ZC3H6: variants seen among roughly 807,000 people sequenced by gnomAD.
ZC3H6 encodes the protein zinc finger CCCH domain-containing protein 6.
In ZC3H6, 40 loss-of-function variants were observed where a neutral mutation model predicts 107.7. That is an observed-to-expected ratio of 0.37 (90% CI 0.29 to 0.48). ZC3H6 has a LOEUF of 0.48. Ranked by LOEUF, ZC3H6 falls within the 20% of genes least tolerant of loss-of-function variation. The probability of loss-of-function intolerance (pLI) is 0.98; values close to 1 mark genes in which losing one functional copy is unlikely to be tolerated. For synonymous variants in ZC3H6, 493 were observed against 487.9 expected (o/e 1.01, Z -0.14); for missense variants, 1,267 against 1,410.4 (o/e 0.90, Z 1.63).
chr2:112,302,447 G>A lies in ZC3H6; in HGVS notation c.214-782G>A, dbSNP rs551224970. ...AGCCTTCCCTTGTAAAAGCATCAGA[G>A]TTCAATCATTTCAGCAAATTTTTAC... is the stretch of plus-strand genomic sequence containing the variant. On this transcript the variant is annotated intron_variant, in intron 2 of 11. Coordinates refer to ENST00000409871, the MANE Select transcript of ZC3H6 (RefSeq NM_198581.3). Among the ~76,000 whole-genome samples, 12 of 152,072 alleles carry A rather than the reference G, an allele frequency of 7.9e-5. No homozygotes were observed. The South Asian group carries it at 2.3e-3, about 29-fold the overall frequency.
At chr2:112,307,660 A>C (rs1676500981) in intron 3 of ZC3H6, among the ~76,000 whole-genome samples, 1 of 151,954 alleles carries the variant, frequency 6.6e-6, no homozygotes, top group Non-Finnish European at 1.5e-5. Flanking sequence ...TTCCTGGAAA[A>C]CTCATACAAC....
At chr2:112,297,971 C>T (rs1333483260) in intron 1 of ZC3H6, among the ~76,000 whole-genome samples, 3 of 152,022 alleles carry the variant, frequency 2.0e-5, no homozygotes, top group African/African-American at 4.8e-5. Flanking sequence ...AAAAATTAGT[C>T]GGATGTGATG....
chr2:112,290,497 T>C (rs1171081139), intron 1 of ZC3H6, among the ~76,000 whole-genome samples: 4 of 152,272 alleles, frequency 2.6e-5, no homozygotes, highest in Non-Finnish European at 5.9e-5. Flanking sequence ...GTGGTTATTT[T>C]ATGTTTATTT....
rs1409693873 is a variant in ZC3H6, at chr2:112,333,714, CAT to C, written c.*1229_*1230del. ...TGAATCTAAGTATTAGACTGCTACT[CAT>C]ATTTTGAACTGCAGGTGTAGGACAG... is the stretch of plus-strand genomic sequence containing the variant. On this transcript the variant is annotated 3_prime_UTR_variant, in exon 12 of 12. Transcript: ENST00000409871. 2.0e-5 allele frequency: 3 copies of C among 152,076 alleles called. No homozygotes were observed. The highest frequency in any genetic ancestry group is 4.4e-5 in the Non-Finnish European group (3 of 67,960). The allele number at this position is 152,076 out of a possible 1,614,324, so 9.4% of individuals were successfully genotyped here.
intron 1 of ZC3H6, among the ~76,000 whole-genome samples, chr2:112,291,156 C>T (rs1247999912): frequency 2.0e-5 from 3 of 152,238 alleles, no homozygotes; most frequent in Non-Finnish European, 4.4e-5. Context: ...AAGCTAATCT[C>T]AGTTTTAGTT....
intron 2 of ZC3H6, among the ~76,000 whole-genome samples, chr2:112,301,451 T>G (rs1676370644): frequency 6.6e-6 from 1 of 152,204 alleles, no homozygotes; most frequent in East Asian, 1.9e-4. Flanking sequence ...GCCATATTTT[T>G]GAATACTTCA....
intron 1 of ZC3H6, among the ~76,000 whole-genome samples, chr2:112,279,683 C>T (rs574246224): frequency 1.3e-5 from 2 of 152,010 alleles, no homozygotes; most frequent in Non-Finnish European, 2.9e-5. Flanking sequence ...ACTGGAGAAC[C>T]TGAAAGGATG....
At chr2:112,286,595 G>A (rs565357279) in intron 1 of ZC3H6, among the ~76,000 whole-genome samples, 8 of 152,274 alleles carry the variant, frequency 5.3e-5, no homozygotes, top group South Asian at 2.1e-4. Context: ...ACAACACCAC[G>A]CCCAGCTAAA....
chr2:112,332,702 A>G lies in ZC3H6; in HGVS notation c.*214A>G. On this transcript the variant is annotated 3_prime_UTR_variant, in exon 12 of 12. Coordinates refer to ENST00000409871, the MANE Select transcript of ZC3H6 (RefSeq NM_198581.3). ...AAGAGACTGTAGTAATTGACCTAAA[A>G]ACTTATGTTAGCTTCAGTAAAAGTA... 1 of 376,314 alleles carries G rather than the reference A, an allele frequency of 2.7e-6. No homozygotes were observed. Among genetic ancestry groups the G allele is most frequent in the Non-Finnish European group, 4.6e-6 (1 of 217,670 alleles). The allele number at this position is 376,314 out of a possible 1,614,324, so 23.3% of individuals were successfully genotyped here.
chr2:112,317,414 C>A, intron 7 of ZC3H6, 82 bp downstream of exon 7: 1 of 707,596 alleles, frequency 1.4e-6, no homozygotes, highest in Non-Finnish European at 2.2e-6. Context: ...AATAAATACA[C>A]CCTATAAAGC....
At chr2:112,296,187 CCT>C (rs1676228292) in intron 1 of ZC3H6, among the ~76,000 whole-genome samples, 1 of 152,026 alleles carries the variant, frequency 6.6e-6, no homozygotes, top group African/African-American at 2.4e-5. Context: ...CCTTAATACC[CCT>C]TTTTTTGTCA....
Position 112,324,508 on chromosome 2 carries a change from A to G in ZC3H6, c.1697A>G (p.Glu566Gly). Residue 566 changes from glutamate (E) to glycine (G), a missense_variant, in exon 10 of 12, where the codon GAG (glutamate) becomes GGG (glycine). By Grantham distance (98) the Glu-to-Gly change is moderately conservative. Transcript: ENST00000409871. Reference sequence around the variant, plus strand: ...GGACATGTGATGAAAGTACCCAGAGAGAATCACTGTTCTCCAGGTTCATCA... The same window carrying G: ...GGACATGTGATGAAAGTACCCAGAGGGAATCACTGTTCTCCAGGTTCATCA... ...FPGHVMKVPR[E>G]NHCSPGSSYQ... 1 of 1,613,356 alleles carries G rather than the reference A, an allele frequency of 6.2e-7. No individual in the cohort carries two copies. The highest frequency in any genetic ancestry group is 1.1e-5 in the South Asian group (1 of 90,938).
chr2:112,327,414 GTTA>G (rs1676923857), intron 11 of ZC3H6, among the ~76,000 whole-genome samples: 1 of 152,070 alleles, frequency 6.6e-6, no homozygotes, highest in Admixed American at 6.5e-5. Context: ...ATATATTCTA[GTTA>G]TTAATCCCTT....
intron 1 of ZC3H6, among the ~76,000 whole-genome samples, chr2:112,295,249 G>T (rs1299927219): frequency 6.6e-6 from 1 of 152,140 alleles, no homozygotes. Context: ...GACATAATCA[G>T]TCTATTGTGT....
At chr2:112,279,189 T>C (rs1686481742) in intron 1 of ZC3H6, among the ~76,000 whole-genome samples, 1 of 152,206 alleles carries the variant, frequency 6.6e-6, no homozygotes, top group Admixed American at 6.5e-5. Flanking sequence ...AATTCTGGTC[T>C]CTCGTCGTTC....
At chr2:112,298,695 C>G (rs1360567389) in intron 1 of ZC3H6, among the ~76,000 whole-genome samples, 3 of 152,160 alleles carry the variant, frequency 2.0e-5, no homozygotes, top group Non-Finnish European at 4.4e-5. Flanking sequence ...AGAACTTGAT[C>G]AAATGAATAT....
Position 112,322,896 on chromosome 2 carries a change from G to A in ZC3H6, c.1334G>A (p.Gly445Glu), listed in dbSNP as rs1226814669. The A allele has an allele frequency of 1.3e-6, 2 of 1,573,128 alleles. No individual in the cohort carries two copies. The highest frequency in any genetic ancestry group is 2.1e-5 in the Admixed American group (1 of 48,548). ...KPTVDLAHKIGRKPPAFYTSA... is the reference protein window; with the variant it reads ...KPTVDLAHKIERKPPAFYTSA... Reference sequence around the variant, plus strand: ...ACTGTGGATTTAGCGCATAAAATTGGGAGGAAGTAAGTGAAAAACTTTCAA... The same window carrying A: ...ACTGTGGATTTAGCGCATAAAATTGAGAGGAAGTAAGTGAAAAACTTTCAA... Residue 445 changes from glycine (G) to glutamate (E), a missense_variant, in exon 9 of 12, where the codon GGG (glycine) becomes GAG (glutamate). Physicochemically the swap from Gly to Glu is moderately conservative, Grantham distance 98 (BLOSUM62 -2). Transcript: ENST00000409871.
chr2:112,330,185 T>C (rs1676998699), intron 11 of ZC3H6, among the ~76,000 whole-genome samples: 1 of 151,978 alleles, frequency 6.6e-6, no homozygotes, highest in Admixed American at 6.6e-5. Context: ...CCTGAGTAGC[T>C]GGGACTACAT....
intron 7 of ZC3H6, among the ~76,000 whole-genome samples, chr2:112,318,752 CA>C (rs1676747290): frequency 6.6e-6 from 1 of 152,126 alleles, no homozygotes; most frequent in African/African-American, 2.4e-5. Flanking sequence ...CCACGTTTTG[CA>C]GTTTCTCCAC....
Sources: gnomAD v4.1 joint callset for allele counts (sites outside exome capture counted in the v4.1 genomes callset) on GRCh38, gnomAD v4.1.1 for gene constraint, MANE v1.5 for transcripts, NCBI Gene and HGNC (gene_info 2026-07-23, HGNC 2026-07-21) for gene names.